The following TNIP3 variants were observed in gnomAD, a reference collection of about 807,000 sequenced individuals.
The protein encoded by TNIP3 is TNFAIP3 interacting protein 3.
Under a neutral mutation model 54.1 loss-of-function variants are expected in TNIP3, and 34 were observed. That is an observed-to-expected ratio of 0.63 (90% CI 0.48 to 0.84). The LOEUF (loss-of-function observed/expected upper bound fraction) is 0.84. Among genes scored for constraint, TNIP3 ranks in the 40% least tolerant of loss-of-function variants. TNIP3 has a pLI of 0.00. For missense variants in TNIP3, 366 were observed against 387.6 expected (o/e 0.94, Z 0.47); for synonymous variants, 134 against 136.8 (o/e 0.98, Z 0.14).
At chr4:121,187,711 G>T (rs965796686) in intron 2 of TNIP3, among the ~76,000 whole-genome samples, 1 of 152,198 alleles carries the variant, frequency 6.6e-6, no homozygotes, top group African/African-American at 2.4e-5. Flanking sequence ...ATAAGATATA[G>T]GGATCAGGTC....
chr4:121,186,978 AAT>A (rs1156702844), intron 2 of TNIP3, among the ~76,000 whole-genome samples: 3 of 152,228 alleles, frequency 2.0e-5, no homozygotes, highest in Non-Finnish European at 2.9e-5. Flanking sequence ...TAGTGAAATC[AAT>A]ATGTTTCATA....
intron 2 of TNIP3, among the ~76,000 whole-genome samples, chr4:121,195,183 A>C (rs548674038): frequency 8.6e-5 from 13 of 151,966 alleles, no homozygotes; most frequent in Admixed American, 7.9e-4. Flanking sequence ...CAAAAAAAAA[A>C]CTTCTTAATT....
intron 5 of TNIP3, among the ~76,000 whole-genome samples, chr4:121,151,485 A>G (rs889889943): frequency 6.6e-6 from 1 of 152,188 alleles, no homozygotes; most frequent in African/African-American, 2.4e-5. Context: ...AGAAAAAAAG[A>G]GCTTTTTTCA....
exon 2 of TNIP3, chr4:121,216,464 G>T: frequency 1.3e-6 from 2 of 1,535,698 alleles, no homozygotes; most frequent in South Asian, 2.4e-5. Context: ...TTATCGTCGT[G>T]TTTCTCATTT....
chr4:121,154,707 A>G (rs755367602), intron 4 of TNIP3, 28 bp from the exon 5 acceptor site: 1 of 1,577,132 alleles, frequency 6.3e-7, no homozygotes, highest in Non-Finnish European at 8.6e-7. Flanking sequence ...AAAAGAAAAT[A>G]AAAGTCAGTA....
intron 3 of TNIP3, among the ~76,000 whole-genome samples, chr4:121,169,663 A>T (rs1199231056): frequency 6.6e-6 from 1 of 152,208 alleles, no homozygotes; most frequent in East Asian, 1.9e-4. Context: ...CAAATCATAC[A>T]TCTTCTCAAG....
At chr4:121,196,421 G>C (rs112329605) in intron 2 of TNIP3, among the ~76,000 whole-genome samples, 1 of 152,024 alleles carries the variant, frequency 6.6e-6, no homozygotes, top group East Asian at 1.9e-4. Context: ...ATAAATCGAC[G>C]AATATAATAT....
chr4:121,192,207 A>C (rs1365161689), intron 2 of TNIP3, among the ~76,000 whole-genome samples: 1 of 152,188 alleles, frequency 6.6e-6, no homozygotes, highest in East Asian at 1.9e-4. Flanking sequence ...CCGCTGAAGC[A>C]GTTTGCCAAT....
intron 2 of TNIP3, among the ~76,000 whole-genome samples, chr4:121,186,628 G>A (rs1212628788): frequency 1.3e-5 from 2 of 152,192 alleles, no homozygotes; most frequent in Non-Finnish European, 2.9e-5. Context: ...GATTAGTGAT[G>A]CCATATGTAC....
intron 1 of TNIP3, among the ~76,000 whole-genome samples, chr4:121,162,472 C>T (rs1579417926): frequency 6.6e-6 from 1 of 152,124 alleles, no homozygotes. Flanking sequence ...ACACTGAAAC[C>T]CAAGTGTCAA....
At chr4:121,139,301 A>G (rs536215688) in intron 9 of TNIP3, among the ~76,000 whole-genome samples, 20 of 152,350 alleles carry the variant, frequency 1.3e-4, no homozygotes, top group Non-Finnish European at 2.1e-4. Flanking sequence ...TCCTAGGTTT[A>G]CACCAGTTAA....
At chr4:121,204,494 A>T (rs1419524535) in intron 2 of TNIP3, among the ~76,000 whole-genome samples, 3 of 152,114 alleles carry the variant, frequency 2.0e-5, no homozygotes, top group Admixed American at 6.6e-5. Flanking sequence ...TGTCATCAGG[A>T]CCTCCTAAGG....
intron 2 of TNIP3, among the ~76,000 whole-genome samples, chr4:121,211,992 T>C (rs897768800): frequency 2.0e-5 from 3 of 152,240 alleles, no homozygotes; most frequent in Admixed American, 2.0e-4. Context: ...TTTATGCTGG[T>C]ACCAGTACTT....
intron 2 of TNIP3, among the ~76,000 whole-genome samples, chr4:121,203,214 GATAT>G (rs1553936815): frequency 8.9e-6 from 1 of 111,926 alleles, no homozygotes; most frequent in Non-Finnish European, 1.9e-5. Flanking sequence ...AAGAAAATGT[GATAT>G]AGATAGATAG....
At chr4:121,150,924 A>G (rs1405360640) in intron 5 of TNIP3, among the ~76,000 whole-genome samples, 1 of 152,250 alleles carries the variant, frequency 6.6e-6, no homozygotes, top group African/African-American at 2.4e-5. Context: ...GACATCCAGT[A>G]TAAGTTGATG....
chr4:121,156,134 T>A (rs1227033296), intron 4 of TNIP3, among the ~76,000 whole-genome samples: 3 of 152,158 alleles, frequency 2.0e-5, no homozygotes, highest in African/African-American at 4.8e-5. Flanking sequence ...GACAAAGACA[T>A]CCTCAGCAAG....
chr4:121,182,786 T>C (rs1001745010), exon 3 of TNIP3: 1 of 1,534,018 alleles, frequency 6.5e-7, no homozygotes, highest in African/African-American at 1.4e-5. Context: ...TCCAGCTCCA[T>C]GCTTTCACAT....
intron 3 of TNIP3, among the ~76,000 whole-genome samples, chr4:121,171,593 T>TA (rs1228772658): frequency 1.3e-5 from 2 of 152,190 alleles, no homozygotes; most frequent in Non-Finnish European, 2.9e-5. Flanking sequence ...AACCTGTCCT[T>TA]ACCACTTTCA....
At chr4:121,213,105 T>C (rs541052883) in intron 2 of TNIP3, among the ~76,000 whole-genome samples, 1 of 152,346 alleles carries the variant, frequency 6.6e-6, no homozygotes, top group Admixed American at 6.5e-5. Context: ...TTTAATTTTC[T>C]TAATGTCCAC....
Sources: allele counts gnomAD v4.1 joint callset (sites outside exome capture counted in the v4.1 genomes callset), GRCh38; gene constraint gnomAD v4.1.1; transcripts MANE v1.5; gene names NCBI Gene and HGNC (gene_info 2026-07-23, HGNC 2026-07-21).